Variants in GLDN observed in about 807,000 individuals in gnomAD.
GLDN encodes collomin.
In GLDN, 47 loss-of-function variants were observed where a neutral mutation model predicts 56.5. The observed-to-expected ratio is 0.83, with a 90% CI of 0.66 to 1.06. The LOEUF is 1.06. Ranked by LOEUF, GLDN falls within the 50% of genes least tolerant of loss-of-function variation. GLDN has a pLI of 0.00. For missense variants in GLDN, 782 were observed against 714.3 expected, an observed-to-expected ratio of 1.09 and a Z score of -1.08; for synonymous variants, 332 against 278.8, an observed-to-expected ratio of 1.19 and a Z score of -1.90.
chr15:51,347,210 A>G (rs1393081342), intron 1 of GLDN, among the ~76,000 whole-genome samples: 1 of 151,536 alleles, frequency 6.6e-6, no homozygotes, highest in Non-Finnish European at 1.5e-5. Flanking sequence ...CCAACAGGAA[A>G]ATGAGACAGT....
At chr15:51,400,646 G>A (rs923160729) in intron 8 of GLDN, 148 bp downstream of exon 8, 3 of 955,740 alleles carry the variant, frequency 3.1e-6, no homozygotes, top group Admixed American at 2.4e-5. Context: ...AGACCAATAA[G>A]TGGGCAGAAA....
chr15:51,375,769 A>T (rs1301029208), intron 1 of GLDN, among the ~76,000 whole-genome samples: 3 of 152,204 alleles, frequency 2.0e-5, no homozygotes, highest in Admixed American at 6.5e-5. Context: ...GCATTCCTCA[A>T]GGCCAGGTGC....
intron 6 of GLDN, among the ~76,000 whole-genome samples, chr15:51,399,801 C>G (rs2038209483): frequency 6.6e-6 from 1 of 152,208 alleles, no homozygotes; most frequent in South Asian, 2.1e-4. Context: ...GAAAATCCTT[C>G]CAGAACAATG....
rs779966031 is a variant in GLDN, at chr15:51,400,427, C to T, written c.956C>T (p.Thr319Ile). The T allele has an allele frequency of 1.1e-5, 17 of 1,614,014 alleles. No individual in the cohort carries two copies. The South Asian group carries it at 1.9e-4, about 18-fold the overall frequency. Residue 319 changes from threonine (T) to isoleucine (I), a missense_variant, in exon 8 of 10, where the codon ACA becomes ATA. Thr to Ile is a moderately conservative substitution (Grantham distance 89). Transcript: ENST00000335449. The part of the protein sequence containing the change: ...NPVQVLKVTE[T>I]FGTWIRESAN... Reference sequence around the variant, plus strand: ...GTGCAAGTACTGAAAGTGACAGAGACATTTGGGACTTGGATAAGAGAGTCT... The same window carrying T: ...GTGCAAGTACTGAAAGTGACAGAGATATTTGGGACTTGGATAAGAGAGTCT...
intron 1 of GLDN, among the ~76,000 whole-genome samples, chr15:51,364,277 C>T (rs1056820051): frequency 6.6e-6 from 1 of 152,182 alleles, no homozygotes; most frequent in African/African-American, 2.4e-5. Context: ...ATTTCTTCTC[C>T]ATGTGTTTCA....
Position 51,404,610 on chromosome 15 carries a change from C to A in GLDN, c.1512C>A (p.Ile504=). 1 of 1,614,040 alleles carries A rather than the reference C, an allele frequency of 6.2e-7. No individual in the cohort carries two copies. The highest frequency in any genetic ancestry group is 1.3e-5 in the African/African-American group (1 of 75,048). Residue 504 remains isoleucine, a synonymous_variant, in exon 10 of 10, where the codon ATC becomes ATA. Transcript: ENST00000335449. ...FAFDLLGGKQ[I]NANFDLRTSQ... ...TTGATTTGTTAGGAGGGAAACAGAT[C>A]AATGCAAACTTTGATTTAAGAACTT...
rs2038338425 is a variant in GLDN at position 51,404,751 on chromosome 15, G to T, written c.1653G>T (p.Gln551His). The T allele has an allele frequency of 6.6e-7, 1 of 1,507,066 alleles. No homozygotes were observed. Among genetic ancestry groups the T allele is most frequent in the African/African-American group, 1.4e-5 (1 of 72,772 alleles). 93.4% of individuals were successfully genotyped at this position (1,507,066 alleles called of 1,614,324 possible). ...AGTTTTTGTCAACTACCTTAAATCA[G>T]TGATGTGCTGCATTCGGCTCCCTTC... ...PVQFLSTTLNQ is the reference protein window; with the variant it reads ...PVQFLSTTLNH The change falls in exon 10 of 10, where the codon CAG becomes CAT. Residue 551 changes from glutamine (Q) to histidine (H), a missense_variant. Gln to His is a conservative substitution (Grantham distance 24, BLOSUM62 0). Coordinates refer to ENST00000335449, the MANE Select transcript of GLDN (RefSeq NM_181789.4).
intron 4 of GLDN, among the ~76,000 whole-genome samples, chr15:51,386,667 A>G (rs1379082450): frequency 6.6e-6 from 1 of 152,220 alleles, no homozygotes; most frequent in Non-Finnish European, 1.5e-5. Context: ...GAGTAGAGGC[A>G]GGGAGACGGC....
At chr15:51,344,302 C>A (rs2036939182) in intron 1 of GLDN, among the ~76,000 whole-genome samples, 1 of 152,064 alleles carries the variant, frequency 6.6e-6, no homozygotes, top group Admixed American at 6.6e-5. Flanking sequence ...TCGATAGTAG[C>A]TGTGTTAGGC....
At chr15:51,389,990 C>G (rs1395952046) in intron 4 of GLDN, among the ~76,000 whole-genome samples, 1 of 152,140 alleles carries the variant, frequency 6.6e-6, no homozygotes, top group African/African-American at 2.4e-5. Flanking sequence ...ACTGAAACAT[C>G]AAAGCTTCTC....
At chr15:51,377,635 A>T (rs572885528) in intron 2 of GLDN, 135 bp downstream of exon 2, 24 of 601,336 alleles carry the variant, frequency 4.0e-5, no homozygotes, top group Admixed American at 1.7e-4. Context: ...GTTTTTAATG[A>T]GCTGAAAACC....
At chr15:51,382,840 T>C (rs932840459) in intron 2 of GLDN, among the ~76,000 whole-genome samples, 1 of 152,138 alleles carries the variant, frequency 6.6e-6, no homozygotes, top group Non-Finnish European at 1.5e-5. Flanking sequence ...ACACCCCTAT[T>C]TGTGGGAGCA....
At chr15:51,411,521 T>C (rs2038464818), downstream of GLDN, among the ~76,000 whole-genome samples, 1 of 152,228 alleles carries the variant, frequency 6.6e-6, no homozygotes, top group African/African-American at 2.4e-5. Context: ...GCAAACTTTT[T>C]CTATAGAAGA....
downstream of GLDN, among the ~76,000 whole-genome samples, chr15:51,409,344 C>A (rs2038440247): frequency 6.6e-6 from 1 of 152,008 alleles, no homozygotes; most frequent in African/African-American, 2.4e-5. Context: ...TGAAATATTA[C>A]AAAGTGAAAA....
intron 1 of GLDN, among the ~76,000 whole-genome samples, chr15:51,358,363 G>A (rs984848645): frequency 6.6e-6 from 1 of 152,158 alleles, no homozygotes; most frequent in Non-Finnish European, 1.5e-5. Context: ...TCCAAGCCCA[G>A]AAATACGCTA....
intron 1 of GLDN, among the ~76,000 whole-genome samples, chr15:51,364,601 G>C (rs1316425686): frequency 6.6e-6 from 1 of 151,914 alleles, no homozygotes; most frequent in Non-Finnish European, 1.5e-5. Flanking sequence ...TGAGTTGGGT[G>C]GTTTTTATAT....
At chr15:51,401,411 A>T (rs1398149707) in intron 8 of GLDN, among the ~76,000 whole-genome samples, 182 bp from the exon 9 acceptor site, 1 of 152,246 alleles carries the variant, frequency 6.6e-6, no homozygotes, top group Non-Finnish European at 1.5e-5. Context: ...AAGACATTTC[A>T]GAAATCCATA....
intron 1 of GLDN, among the ~76,000 whole-genome samples, chr15:51,344,991 G>T (rs1353881867): frequency 6.6e-6 from 1 of 152,092 alleles, no homozygotes; most frequent in African/African-American, 2.4e-5. Context: ...AATAAGAGGA[G>T]CCCTGGATGG....
intron 1 of GLDN, among the ~76,000 whole-genome samples, chr15:51,361,143 T>C (rs1315592759): frequency 6.6e-6 from 1 of 152,202 alleles, no homozygotes; most frequent in Non-Finnish European, 1.5e-5. Context: ...GCTTAGAAAC[T>C]CCATTAGAGG....
Sources: allele counts gnomAD v4.1 joint callset (sites outside exome capture counted in the v4.1 genomes callset), GRCh38; gene constraint gnomAD v4.1.1; transcripts MANE v1.5; gene names NCBI Gene and HGNC (gene_info 2026-07-23, HGNC 2026-07-21).